ZEB1: variants seen among roughly 807,000 people sequenced by gnomAD.
ZEB1 encodes the protein zinc finger E-box-binding homeobox 1.
A neutral mutation model predicts 84.9 loss-of-function variants in ZEB1; 21 were observed. That is an observed-to-expected ratio of 0.25 (90% CI 0.18 to 0.36). The LOEUF (loss-of-function observed/expected upper bound fraction) is 0.36, where lower values mean the gene tolerates loss of function less well. Among genes scored for constraint, ZEB1 ranks in the 10% least tolerant of loss-of-function variants. The pLI, the probability that ZEB1 is intolerant of heterozygous loss-of-function variation, is 1.00. For synonymous variants in ZEB1, 420 were observed against 471.1 expected, an observed-to-expected ratio of 0.89 and a Z score of 1.41; for missense variants, 1,104 against 1,330.2, an observed-to-expected ratio of 0.83 and a Z score of 2.65.
chr10:31,334,612 A>T (rs2037606529), intron 1 of ZEB1, among the ~76,000 whole-genome samples: 1 of 152,138 alleles, frequency 6.6e-6, no homozygotes, highest in Non-Finnish European at 1.5e-5. Context: ...AAAGTAATTC[A>T]AAAAGGAAAC....
intron 2 of ZEB1, among the ~76,000 whole-genome samples, chr10:31,463,852 G>A (rs1040719526): frequency 1.3e-5 from 2 of 152,128 alleles, no homozygotes; most frequent in Non-Finnish European, 2.9e-5. Context: ...TAGTACTATA[G>A]AAGTCTCCCA....
intron 1 of ZEB1, among the ~76,000 whole-genome samples, chr10:31,345,305 G>A (rs1217065846): frequency 6.6e-6 from 1 of 152,054 alleles, no homozygotes; most frequent in East Asian, 1.9e-4. Flanking sequence ...GGCAGGGGCG[G>A]GGGTTGTATT....
chr10:31,355,500 T>G (rs953726514), intron 1 of ZEB1, among the ~76,000 whole-genome samples: 3 of 152,174 alleles, frequency 2.0e-5, no homozygotes, highest in African/African-American at 7.2e-5. Context: ...AAGATGAGCA[T>G]TAAGGGAGAA....
intron 1 of ZEB1, among the ~76,000 whole-genome samples, chr10:31,326,369 T>G (rs1166823184): frequency 1.3e-5 from 2 of 152,208 alleles, no homozygotes; most frequent in Non-Finnish European, 2.9e-5. Flanking sequence ...CTCCTATTGC[T>G]ACATCACTTT....
intron 1 of ZEB1, among the ~76,000 whole-genome samples, chr10:31,451,198 T>G (rs978355505): frequency 6.6e-6 from 1 of 152,196 alleles, no homozygotes; most frequent in African/African-American, 2.4e-5. Flanking sequence ...GAAAGGGTTT[T>G]CATCTAGGTT....
chr10:31,486,647 T>C (rs2138674229), intron 2 of ZEB1, among the ~76,000 whole-genome samples: 1 of 151,526 alleles, frequency 6.6e-6, no homozygotes, highest in Middle Eastern at 3.4e-3. Context: ...TTGTTACATA[T>C]GTATACATGT....
At chr10:31,352,029 C>T (rs2041397711) in intron 1 of ZEB1, among the ~76,000 whole-genome samples, 1 of 152,020 alleles carries the variant, frequency 6.6e-6, no homozygotes, top group Admixed American at 6.5e-5. Context: ...AATACATAGG[C>T]TATATAATAC....
rs116275264 is a variant in ZEB1, at chr10:31,422,474, A to G, written c.59-38563A>G. On this transcript the variant is annotated intron_variant, in intron 1 of 8. Transcript: ENST00000424869. ...AAAAGAGAACTAAGTTAGAGACAGTATCTTCAGATTATTGTTTCCCCAAAG... is the reference window on the plus strand; with the variant it reads ...AAAAGAGAACTAAGTTAGAGACAGTGTCTTCAGATTATTGTTTCCCCAAAG... 6.7e-3 allele frequency among the ~76,000 whole-genome samples: 1,019 copies of G among 152,216 alleles called. 13 individuals are homozygous for G. The highest frequency in any genetic ancestry group is 0.024 in the African/African-American group (985 of 41,536).
intron 1 of ZEB1, among the ~76,000 whole-genome samples, chr10:31,391,182 T>G (rs1228059946): frequency 6.6e-6 from 1 of 151,846 alleles, no homozygotes; most frequent in Non-Finnish European, 1.5e-5. Flanking sequence ...AGTGTGGGGA[T>G]GTTTTCAATT....
chr10:31,388,144 A>G (rs1217419140), intron 1 of ZEB1, among the ~76,000 whole-genome samples: 3 of 152,194 alleles, frequency 2.0e-5, no homozygotes, highest in African/African-American at 7.2e-5. Flanking sequence ...AAATGTCATT[A>G]ATATTAGGAT....
chr10:31,466,824 T>C (rs2062492947), intron 2 of ZEB1, among the ~76,000 whole-genome samples: 1 of 152,092 alleles, frequency 6.6e-6, no homozygotes, highest in South Asian at 2.1e-4. Flanking sequence ...ACTGAGTTAG[T>C]TTTTTGAGAA....
At chr10:31,477,360 G>A (rs959706295) in intron 2 of ZEB1, among the ~76,000 whole-genome samples, 1 of 151,708 alleles carries the variant, frequency 6.6e-6, no homozygotes, top group East Asian at 1.9e-4. Flanking sequence ...GTTCTCTACA[G>A]GAAGATTACA....
At chr10:31,386,447 G>C (rs1458399857) in intron 1 of ZEB1, among the ~76,000 whole-genome samples, 2 of 151,656 alleles carry the variant, frequency 1.3e-5, no homozygotes, top group Non-Finnish European at 1.5e-5. Flanking sequence ...TTTTATGTAA[G>C]TTTCACCTTA....
In ZEB1 at chr10:31,404,230, T is replaced by A. The variant is rs1350975469; in HGVS notation, c.59-56807T>A. Among the ~76,000 whole-genome samples, 10 of 152,172 alleles carry A rather than the reference T, an allele frequency of 6.6e-5. No homozygotes were observed. The South Asian group carries it at 8.3e-4, about 13-fold the overall frequency. ...CCCTTTTCTGCAGCCGTTTTTTTTT[T>A]AACTCTTAAAGTCTGTGCTCTATTA... On this transcript the variant is annotated intron_variant, in intron 1 of 8. Coordinates refer to ENST00000424869, the MANE Select transcript of ZEB1 (RefSeq NM_001174096.2).
At chr10:31,482,327 GTGTCAA>G (rs927564057) in intron 2 of ZEB1, among the ~76,000 whole-genome samples, 1 of 152,016 alleles carries the variant, frequency 6.6e-6, no homozygotes, top group African/African-American at 2.4e-5. Context: ...CGCTTCAAAA[GTGTCAA>G]TGTCAAGGTC....
At chr10:31,328,181 T>C (rs1177186244) in intron 1 of ZEB1, among the ~76,000 whole-genome samples, 1 of 152,164 alleles carries the variant, frequency 6.6e-6, no homozygotes, top group Non-Finnish European at 1.5e-5. Context: ...TAGTTGTATT[T>C]TTTGTATTTA....
chr10:31,335,364 A>G (rs2037798917), intron 1 of ZEB1, among the ~76,000 whole-genome samples: 1 of 152,106 alleles, frequency 6.6e-6, no homozygotes, highest in Non-Finnish European at 1.5e-5. Flanking sequence ...AGGCATCCTC[A>G]GGGGGTCTTG....
chr10:31,331,371 CCA>C (rs2036753317), intron 1 of ZEB1, among the ~76,000 whole-genome samples: 1 of 152,108 alleles, frequency 6.6e-6, no homozygotes, highest in Non-Finnish European at 1.5e-5. Context: ...CAGGCGTGAG[CCA>C]CCACGCCTGG....
At chr10:31,523,814 C>G in intron 7 of ZEB1, 119 bp from the exon 8 acceptor site, 2 of 1,203,112 alleles carry the variant, frequency 1.7e-6, no homozygotes, top group Non-Finnish European at 2.4e-6. Context: ...TTGCTTTGGT[C>G]AAGTCCTTGA....
Sources: allele counts gnomAD v4.1 joint callset (sites outside exome capture counted in the v4.1 genomes callset), GRCh38; gene constraint gnomAD v4.1.1; transcripts MANE v1.5; gene names NCBI Gene and HGNC (gene_info 2026-07-23, HGNC 2026-07-21).